Variants in SUMF1 observed in about 807,000 individuals in gnomAD.
SUMF1 encodes the protein sulfatase modifying factor 1, also known as formylglycine-generating enzyme.
A neutral mutation model predicts 47.6 loss-of-function variants in SUMF1; 48 were observed. The observed-to-expected ratio is 1.01, with a 90% CI of 0.80 to 1.28. The LOEUF is 1.28. Among genes scored for constraint, SUMF1 ranks in the 50% most tolerant of loss-of-function variants. The pLI is 0.00. For missense variants in SUMF1, 571 were observed against 485.4 expected, an observed-to-expected ratio of 1.18 and a Z score of -1.66; for synonymous variants, 230 against 192.1, an observed-to-expected ratio of 1.20 and a Z score of -1.63.
chr3:4,424,388 G>C (rs1307661610), intron 3 of SUMF1, among the ~76,000 whole-genome samples: 1 of 152,094 alleles, frequency 6.6e-6, no homozygotes, highest in Non-Finnish European at 1.5e-5. Context: ...GGAGCTATAT[G>C]ATGATCACCA....
chr3:4,298,967 A>G (rs1697912070), intron 8 of SUMF1, among the ~76,000 whole-genome samples: 1 of 152,148 alleles, frequency 6.6e-6, no homozygotes, highest in South Asian at 2.1e-4. Flanking sequence ...AATCCTATCC[A>G]TCATTCATGA....
At chr3:4,462,372 T>C (rs2079835681) in intron 1 of SUMF1, among the ~76,000 whole-genome samples, 1 of 152,136 alleles carries the variant, frequency 6.6e-6, no homozygotes, top group Non-Finnish European at 1.5e-5. Context: ...TACCTGACAA[T>C]GGAGCCGACT....
chr3:4,232,962 C>T (rs13065523), intron 8 of SUMF1, among the ~76,000 whole-genome samples: 54,954 of 151,924 alleles, frequency 0.36, 10,836 homozygotes, highest in Non-Finnish European at 0.45. Context: ...GGTGAATCCA[C>T]GGGTCTCACC....
intron 7 of SUMF1, among the ~76,000 whole-genome samples, chr3:4,390,946 G>T (rs1559267436): frequency 6.6e-6 from 1 of 152,172 alleles, no homozygotes; most frequent in Non-Finnish European, 1.5e-5. Context: ...ATAGAAAAAT[G>T]TACATCTACT....
intron 8 of SUMF1, among the ~76,000 whole-genome samples, chr3:4,152,490 G>A (rs2686699): frequency 0.31 from 46,221 of 149,350 alleles, 7,682 homozygotes; most frequent in East Asian, 0.4. Context: ...CTGATGTCTC[G>A]TCATAGTGTC....
chr3:4,076,648 G>GA (rs1365927615), intron 8 of SUMF1, among the ~76,000 whole-genome samples: 1 of 151,874 alleles, frequency 6.6e-6, no homozygotes, highest in Non-Finnish European at 1.5e-5. Flanking sequence ...AAATTTACAA[G>GA]AAAAAAACAA....
At chr3:4,245,019 T>G (rs1337040861) in intron 8 of SUMF1, among the ~76,000 whole-genome samples, 4 of 152,044 alleles carry the variant, frequency 2.6e-5, no homozygotes, top group Admixed American at 2.0e-4. Context: ...TTTCTTCCGC[T>G]TGATGGTGTT....
chr3:4,151,481 A>G (rs1694329318), intron 8 of SUMF1, among the ~76,000 whole-genome samples: 2 of 146,496 alleles, frequency 1.4e-5, no homozygotes, highest in Admixed American at 1.4e-4. Flanking sequence ...ATATGTATAT[A>G]TGTGTATATA....
intron 8 of SUMF1, among the ~76,000 whole-genome samples, chr3:4,351,645 C>A (rs750521493): frequency 1.3e-5 from 2 of 152,110 alleles, no homozygotes; most frequent in Non-Finnish European, 1.5e-5. Context: ...AAAAAAAGTC[C>A]ATTTCTTTAG....
chr3:4,097,419 G>T (rs1207293600), intron 8 of SUMF1, among the ~76,000 whole-genome samples: 1 of 151,970 alleles, frequency 6.6e-6, no homozygotes, highest in Non-Finnish European at 1.5e-5. Context: ...CAGGCGTGGG[G>T]GCAGGTGCCT....
chr3:4,408,965 A>G (rs1290510505), intron 7 of SUMF1, among the ~76,000 whole-genome samples: 4 of 152,186 alleles, frequency 2.6e-5, no homozygotes, highest in South Asian at 2.1e-4. Context: ...CTCTCAAAAA[A>G]TAAAAATTAA....
intron 1 of SUMF1, among the ~76,000 whole-genome samples, chr3:4,461,268 C>CT (rs34377289): frequency 0.21 from 32,065 of 152,148 alleles, 4,086 homozygotes; most frequent in Non-Finnish European, 0.3. Flanking sequence ...TCACTATACT[C>CT]TAAGTGCTGG....
intron 8 of SUMF1, among the ~76,000 whole-genome samples, chr3:4,252,195 C>T (rs981857020): frequency 6.6e-6 from 1 of 152,148 alleles, no homozygotes; most frequent in African/African-American, 2.4e-5. Flanking sequence ...TATACTGTAG[C>T]TACAAATGAT....
At chr3:4,072,500 G>C (rs138124313) in intron 8 of SUMF1, among the ~76,000 whole-genome samples, 1 of 152,286 alleles carries the variant, frequency 6.6e-6, no homozygotes, top group East Asian at 1.9e-4. Flanking sequence ...GTTGACAGAA[G>C]TAGGCTTCAG....
chr3:4,450,090 T>C (rs1575237930), intron 2 of SUMF1, among the ~76,000 whole-genome samples: 1 of 152,158 alleles, frequency 6.6e-6, no homozygotes, highest in Admixed American at 6.6e-5. Context: ...CTTTGTGCAG[T>C]TGAGATTATG....
chr3:4,107,661 C>T (rs1693189543), intron 8 of SUMF1, among the ~76,000 whole-genome samples: 1 of 152,008 alleles, frequency 6.6e-6, no homozygotes. Context: ...TATTAAAGCG[C>T]AAATATCAGG....
intron 7 of SUMF1, among the ~76,000 whole-genome samples, chr3:4,378,415 G>C (rs1409775876): frequency 1.3e-5 from 2 of 152,162 alleles, no homozygotes; most frequent in Non-Finnish European, 2.9e-5. Flanking sequence ...GTAAGTAGGG[G>C]ACTGTCTGTG....
At chr3:4,365,438 T>G (rs1699920013) in intron 8 of SUMF1, among the ~76,000 whole-genome samples, 3 of 124,784 alleles carry the variant, frequency 2.4e-5, no homozygotes, top group Admixed American at 7.7e-5. Context: ...AGTTAGCTCT[T>G]GTTGTTGAAT....
In SUMF1 at chr3:4,267,405, C is replaced by A. The variant is rs191523539; in HGVS notation, c.1014+108925G>T. On this transcript the variant is annotated intron_variant and NMD_transcript_variant, in intron 8 of 12. Transcript: ENST00000448413. ...TTGATTATTACCGCAATTTCAGCTC[C>A]TGTTATTGGTCTATTCAGAGATTCA... Among the ~76,000 whole-genome samples the A allele has an allele frequency of 1.4e-3, 216 of 152,256 alleles. 2 individuals are homozygous for A. Among genetic ancestry groups the A allele is most frequent in the African/African-American group, 4.8e-3 (199 of 41,554 alleles).
Sources: gnomAD v4.1 joint callset for allele counts (sites outside exome capture counted in the v4.1 genomes callset) on GRCh38, gnomAD v4.1.1 for gene constraint, MANE v1.5 for transcripts, NCBI Gene and HGNC (gene_info 2026-07-23, HGNC 2026-07-21) for gene names.